MFSD6: variants seen among roughly 807,000 people sequenced by gnomAD.
MFSD6 encodes the protein major facilitator superfamily domain containing 6.
MFSD6 carries 26 observed loss-of-function variants against 56.3 expected under a neutral mutation model. The observed-to-expected ratio is 0.46, with a 90% CI of 0.34 to 0.64. The LOEUF is 0.64. Ranked by LOEUF, MFSD6 falls within the 30% of genes least tolerant of loss-of-function variation. The probability of loss-of-function intolerance (pLI) is 0.01; values close to 1 mark genes in which losing one functional copy is unlikely to be tolerated. For missense variants in MFSD6, 750 were observed against 986.2 expected, an observed-to-expected ratio of 0.76 and a Z score of 3.21; for synonymous variants, 331 against 366.9, an observed-to-expected ratio of 0.90 and a Z score of 1.12.
Position 190,459,131 on chromosome 2 carries a change from T to C in MFSD6, c.1533-10627T>C, listed in dbSNP as rs1687192810. Among the ~76,000 whole-genome samples the C allele has an allele frequency of 2.0e-5, 3 of 152,188 alleles. No individual in the cohort carries two copies. On this transcript the variant is annotated intron_variant, in intron 3 of 7. Coordinates refer to ENST00000392328, the MANE Select transcript of MFSD6 (RefSeq NM_017694.4). This position sits in a 1 kb window ranked among gnomAD's most constrained non-coding sequence, Gnocchi z 5.3. ...CCCAGAACATCCTATCCAAGACTCC[T>C]TTTTTCCTCCCTCCATATTGTGGCT...
chr2:190,455,224 TAA>T (rs1686965753), intron 3 of MFSD6, among the ~76,000 whole-genome samples: 1 of 152,084 alleles, frequency 6.6e-6, no homozygotes, highest in Non-Finnish European at 1.5e-5. Flanking sequence ...TGCTATTTAT[TAA>T]GTTACTATTA....
At chr2:190,483,586 C>T (rs1378833338) in intron 4 of MFSD6, among the ~76,000 whole-genome samples, 2 of 152,046 alleles carry the variant, frequency 1.3e-5, no homozygotes, top group Non-Finnish European at 2.9e-5. Context: ...CCCGTAATCC[C>T]AGCACTTTGA....
At position 190,470,970 on chromosome 2, in the gene MFSD6, A is replaced by G. The variant is rs150316464; in HGVS notation, c.1630+1115A>G. On this transcript the variant is annotated intron_variant, in intron 4 of 7. Transcript: ENST00000392328. ...GCAATGGTGTAGCTAGTAAAAGGAG[A>G]TTCTGTTTACAAATATATAGAAAAT... Among the ~76,000 whole-genome samples, 294 of 152,228 alleles carry G rather than the reference A, an allele frequency of 1.9e-3. 1 individual carries two copies. Among genetic ancestry groups the G allele is most frequent in the African/African-American group, 6.7e-3 (280 of 41,550 alleles).
At position 190,459,707 on chromosome 2, in the gene MFSD6, C is replaced by G. The variant is rs1476569329; in HGVS notation, c.1533-10051C>G. ...ACAGCACAGTGACCAGCACAGTGATCCTGCTGATGGTGACCATAGTTACAC... is the reference window on the plus strand; with the variant it reads ...ACAGCACAGTGACCAGCACAGTGATGCTGCTGATGGTGACCATAGTTACAC... On this transcript the variant is annotated intron_variant, in intron 3 of 7. Coordinates refer to ENST00000392328, the MANE Select transcript of MFSD6 (RefSeq NM_017694.4). The surrounding 1 kb of genome is among the most constrained non-coding windows in gnomAD (Gnocchi z 5.3). 6.6e-6 allele frequency among the ~76,000 whole-genome samples: 1 copy of G among 152,140 alleles called. No homozygotes were observed. Among genetic ancestry groups the G allele is most frequent in the Non-Finnish European group, 1.5e-5 (1 of 68,016 alleles).
rs1689850674 is a variant in MFSD6, at chr2:190,498,758, G to A, written c.2172+1039G>A. On this transcript the variant is annotated intron_variant, in intron 7 of 7. Transcript: ENST00000392328. The surrounding 1 kb of genome is among the most constrained non-coding windows in gnomAD (Gnocchi z 5.9). ...GATTTTAATATCTGCTGCTTGAGTA[G>A]CAATATTTTCATTACTTTGTGTACT... is the stretch of plus-strand genomic sequence containing the variant. 6.6e-6 allele frequency among the ~76,000 whole-genome samples: 1 copy of A among 152,146 alleles called. No individual in the cohort carries two copies. The highest frequency in any genetic ancestry group is 6.5e-5 in the Admixed American group (1 of 15,270).
chr2:190,429,484 C>T (rs2125025988), intron 2 of MFSD6, among the ~76,000 whole-genome samples: 1 of 152,114 alleles, frequency 6.6e-6, no homozygotes, highest in African/African-American at 2.4e-5. Flanking sequence ...CACCACCATG[C>T]CCAGCTAATT....
At position 190,412,675 on chromosome 2, in the gene MFSD6, A is replaced by G. The variant is rs994175341; in HGVS notation, c.-175-2617A>G. On this transcript the variant is annotated intron_variant, in intron 1 of 7. Transcript: ENST00000392328. The surrounding 1 kb of genome is among the most constrained non-coding windows in gnomAD (Gnocchi z 4.1). ...TAATTCCTCCATGTTTAATTATCCA[A>G]CATTAGCTGTCTGTTCCCATTTACT... The G allele has an allele frequency of 7.5e-6, 7 of 938,162 alleles. No homozygotes were observed. The highest frequency in any genetic ancestry group is 3.6e-5 in the African/African-American group (2 of 56,322). The allele number at this position is 938,162 out of a possible 1,614,324, so 58.1% of individuals were successfully genotyped here.
Position 190,436,430 on chromosome 2 carries a change from T to C in MFSD6, c.401T>C (p.Val134Ala). The part of the protein sequence containing the change: ...VADRFKKGKI[V>A]LLFSLLCWVL... ...GACCGCTTTAAAAAAGGCAAAATTGTCCTCCTCTTTTCTCTTTTGTGTTGG... is the reference window on the plus strand; with the variant it reads ...GACCGCTTTAAAAAAGGCAAAATTGCCCTCCTCTTTTCTCTTTTGTGTTGG... Residue 134 changes from valine (V) to alanine (A), a missense_variant, in exon 3 of 8, where the codon GTC becomes GCC. Val to Ala is a moderately conservative substitution (Grantham distance 64). This residue lies in a region of MFSD6 where 376 missense variants were observed against 437.9 expected (regional missense o/e 0.86). Transcript: ENST00000392328. This position sits in a 1 kb window ranked among gnomAD's most constrained non-coding sequence, Gnocchi z 5.3. 1.2e-6 allele frequency: 2 copies of C among 1,614,172 alleles called. No homozygotes were observed. The highest frequency in any genetic ancestry group is 1.7e-6 in the Non-Finnish European group (2 of 1,180,036).
Position 190,499,690 on chromosome 2 carries a change from G to GC in MFSD6, c.2173-323dup. 1 of 895,792 alleles carries GC rather than the reference G, an allele frequency of 1.1e-6. No homozygotes were observed. The highest frequency in any genetic ancestry group is 5.7e-5 in the East Asian group (1 of 17,680). 55.5% of individuals were successfully genotyped at this position (895,792 alleles called of 1,614,324 possible). A position where few individuals can be genotyped will look rare whatever the true frequency, so the allele number is the denominator to read the frequency against. ...TTCCATAGTGCTTGCCCAGCGACTT[G>GC]CCACATGGCTTGGGGGGCTCAGTAA... is the stretch of plus-strand genomic sequence containing the variant. On this transcript the variant is annotated intron_variant, in intron 7 of 7. Coordinates refer to ENST00000392328, the MANE Select transcript of MFSD6 (RefSeq NM_017694.4). This position sits in a 1 kb window ranked among gnomAD's most constrained non-coding sequence, Gnocchi z 6.0.
rs1471954236 is a variant in MFSD6, at chr2:190,499,966, T to C, written c.2173-49T>C. 1.2e-6 allele frequency: 2 copies of C among 1,609,490 alleles called. No homozygotes were observed. Among genetic ancestry groups the C allele is most frequent in the Non-Finnish European group, 1.7e-6 (2 of 1,176,148 alleles). On this transcript the variant is annotated intron_variant, in intron 7 of 7. Coordinates refer to ENST00000392328, the MANE Select transcript of MFSD6 (RefSeq NM_017694.4). The surrounding 1 kb of genome is among the most constrained non-coding windows in gnomAD (Gnocchi z 6.0). ...TTGAAAGCATATATAAAAAGTTGGATTTATTTGCTATCACTGATCATGGGG... is the reference window on the plus strand; with the variant it reads ...TTGAAAGCATATATAAAAAGTTGGACTTATTTGCTATCACTGATCATGGGG...
At position 190,472,317 on chromosome 2, in the gene MFSD6, G is replaced by T. The variant is rs181178823; in HGVS notation, c.1630+2462G>T. The stretch of plus-strand genomic sequence containing the variant: ...CTAAAGGAAGAAGTTCAAACCCATG[G>T]CAAAGAAGTTAAAAACCTTGAAAAA... On this transcript the variant is annotated intron_variant, in intron 4 of 7. Transcript: ENST00000392328. Among the ~76,000 whole-genome samples, 251 of 152,230 alleles carry T rather than the reference G, an allele frequency of 1.6e-3. 1 individual carries two copies. The highest frequency in any genetic ancestry group is 3.0e-3 in the Non-Finnish European group (202 of 68,014).
At chr2:190,448,506 T>C (rs1686663214) in intron 3 of MFSD6, among the ~76,000 whole-genome samples, 1 of 152,172 alleles carries the variant, frequency 6.6e-6, no homozygotes, top group Non-Finnish European at 1.5e-5. Context: ...TAGATCAATA[T>C]GCCAACATGG....
intron 3 of MFSD6, among the ~76,000 whole-genome samples, chr2:190,468,559 C>T (rs1346279131): frequency 6.6e-6 from 1 of 150,866 alleles, no homozygotes; most frequent in Non-Finnish European, 1.5e-5. Context: ...CTCAAGCAGT[C>T]CTCCTACCTC....
chr2:190,497,470 TC>T lies in MFSD6; in HGVS notation c.1926del (p.Ser643ProfsTer6). On this transcript the variant is annotated frameshift_variant, in exon 7 of 8. Coordinates refer to ENST00000392328, the MANE Select transcript of MFSD6 (RefSeq NM_017694.4). LOFTEE classifies it high-confidence loss of function. The surrounding 1 kb of genome is among the most constrained non-coding windows in gnomAD (Gnocchi z 5.2). ...CAATGTTGGCAGAAAGAATTCCTGT[TC>T]CCTCCAGTCCCGTTCCTATAGCAAC... ...KTMLAERIPV[P>X]SSPVPIATID... 6.2e-7 allele frequency: 1 copy of T among 1,614,120 alleles called. No homozygotes were observed. Among genetic ancestry groups the T allele is most frequent in the Non-Finnish European group, 8.5e-7 (1 of 1,180,012 alleles).
Position 190,463,638 on chromosome 2 carries a change from T to C in MFSD6, c.1533-6120T>C, listed in dbSNP as rs1469863585. Among the ~76,000 whole-genome samples the C allele has an allele frequency of 6.6e-6, 1 of 152,000 alleles. No homozygotes were observed. The highest frequency in any genetic ancestry group is 1.5e-5 in the Non-Finnish European group (1 of 67,972). Reference sequence around the variant, plus strand: ...GAGTTCATGACCAGCCTGGGCAACATAGTGAGACTTTGTGTCTACTAAAAA... The same window carrying C: ...GAGTTCATGACCAGCCTGGGCAACACAGTGAGACTTTGTGTCTACTAAAAA... On this transcript the variant is annotated intron_variant, in intron 3 of 7. Coordinates refer to ENST00000392328, the MANE Select transcript of MFSD6 (RefSeq NM_017694.4). The surrounding 1 kb of genome is among the most constrained non-coding windows in gnomAD (Gnocchi z 4.4).
intron 2 of MFSD6, among the ~76,000 whole-genome samples, chr2:190,421,930 C>G (rs1685633778): frequency 6.6e-6 from 1 of 151,980 alleles, no homozygotes; most frequent in Admixed American, 6.5e-5. Context: ...ATAGAAGAAA[C>G]CAAGTTAACT....
intron 4 of MFSD6, among the ~76,000 whole-genome samples, chr2:190,486,398 C>G (rs1689009711): frequency 6.6e-6 from 1 of 152,222 alleles, no homozygotes; most frequent in African/African-American, 2.4e-5. Flanking sequence ...AGTTTTCTCC[C>G]TATGATGCTA....
Position 190,434,070 on chromosome 2 carries a change from C to T in MFSD6, c.-53-1907C>T, listed in dbSNP as rs548615963. Among the ~76,000 whole-genome samples the T allele has an allele frequency of 2.8e-4, 43 of 151,692 alleles. No homozygotes were observed. The highest frequency in any genetic ancestry group is 9.7e-4 in the African/African-American group (40 of 41,358). ...TGGTGGCACACGTCTGTAGTCCTAG[C>T]TACTTAGGAGACTGAGGTGGAAGGA... is the stretch of plus-strand genomic sequence containing the variant. On this transcript the variant is annotated intron_variant, in intron 2 of 7. Transcript: ENST00000392328. This position sits in a 1 kb window ranked among gnomAD's most constrained non-coding sequence, Gnocchi z 4.3.
Position 190,497,344 on chromosome 2 carries a change from G to T in MFSD6, c.1892-95G>T. Reference sequence around the variant, plus strand: ...AATATTATCAAGCACTCTGGAATGGGTATATGGGATTCTTGGTTTATTTAT... The same window carrying T: ...AATATTATCAAGCACTCTGGAATGGTTATATGGGATTCTTGGTTTATTTAT... On this transcript the variant is annotated intron_variant, in intron 6 of 7. Transcript: ENST00000392328. This position sits in a 1 kb window ranked among gnomAD's most constrained non-coding sequence, Gnocchi z 5.2. 39 of 1,369,054 alleles carry T rather than the reference G, an allele frequency of 2.8e-5. No homozygotes were observed. The highest frequency in any genetic ancestry group is 3.7e-5 in the Non-Finnish European group (37 of 1,002,106). The allele number at this position is 1,369,054 out of a possible 1,614,324, so 84.8% of individuals were successfully genotyped here.
Sources: gnomAD v4.1 joint callset for allele counts (sites outside exome capture counted in the v4.1 genomes callset) on GRCh38, gnomAD v4.1.1 for gene constraint, gnomAD v4.1.1 regional missense constraint, Gnocchi (gnomAD v3.1) non-coding constraint, MANE v1.5 for transcripts, NCBI Gene and HGNC (gene_info 2026-07-23, HGNC 2026-07-21) for gene names.